LRIF1: variants seen among roughly 807,000 people sequenced by gnomAD.
LRIF1 encodes the protein ligand dependent nuclear receptor interacting factor 1.
In LRIF1, 32 loss-of-function variants were observed where a neutral mutation model predicts 52.7. The observed-to-expected ratio is 0.61, with a 90% CI of 0.46 to 0.82. LRIF1 has a LOEUF of 0.82. Ranked by LOEUF, LRIF1 falls within the 40% of genes least tolerant of loss-of-function variation. The pLI is 0.00. For synonymous variants in LRIF1, 323 were observed against 317.4 expected (o/e 1.02, Z -0.19); for missense variants, 887 against 892.0 (o/e 0.99, Z 0.07).
intron 2 of LRIF1, 144 bp from the exon 3 acceptor site, chr1:110,950,267 A>G: frequency 1.0e-6 from 1 of 954,772 alleles, no homozygotes; most frequent in South Asian, 1.9e-5. Flanking sequence ...CTTACCACCC[A>G]CACTCAAAAA....
At position 110,951,345 on chromosome 1, in the gene LRIF1, A is replaced by T; in HGVS notation, c.1539T>A (p.Ser513=). The part of the protein sequence containing the change: ...VLQSIEKISS[S]VDATTVTSQQ... Reference sequence around the variant, plus strand: ...GTGAAGTAACAGTTGTTGCATCAACAGAGGAACTTATTTTCTCTATGCTCT... The same window carrying T: ...GTGAAGTAACAGTTGTTGCATCAACTGAGGAACTTATTTTCTCTATGCTCT... Residue 513 remains serine, a synonymous_variant, in exon 2 of 4, where the codon TCT becomes TCA. Coordinates refer to ENST00000369763, the MANE Select transcript of LRIF1 (RefSeq NM_018372.4). 1 of 1,614,146 alleles carries T rather than the reference A, an allele frequency of 6.2e-7. No homozygotes were observed.
chr1:110,946,989 C>T (rs138851675), downstream of LRIF1, among the ~76,000 whole-genome samples: 531 of 151,856 alleles, frequency 3.5e-3, 3 homozygotes, highest in African/African-American at 0.012. Context: ...TTCTCCTCCT[C>T]CTCCTTTAAG....
At chr1:110,936,481 T>G in the LRIF1 span, 1 of 152,164 alleles carries the variant, frequency 6.6e-6, no homozygotes, top group Non-Finnish European at 1.5e-5. Context: ...ATTAGCTTTG[T>G]TTTTGCTTCT....
the LRIF1 span, among the ~76,000 whole-genome samples, chr1:110,888,120 A>C: frequency 6.6e-6 from 1 of 152,236 alleles, no homozygotes. Flanking sequence ...ACAAGGAAAC[A>C]AATTCTCTCC....
chr1:110,932,386 C>A, the LRIF1 span, among the ~76,000 whole-genome samples: 5 of 152,084 alleles, frequency 3.3e-5, no homozygotes, highest in Admixed American at 1.3e-4. Context: ...GTTACTGTAA[C>A]CTTGTAGTAT....
At chr1:110,897,575 C>G in the LRIF1 span, 4 of 377,388 alleles carry the variant, frequency 1.1e-5, no homozygotes, top group Non-Finnish European at 1.9e-5. Context: ...GGGTAAGGAT[C>G]TAGGACTTCT....
downstream of LRIF1, among the ~76,000 whole-genome samples, chr1:110,943,055 G>A (rs1282690592): frequency 6.6e-6 from 1 of 152,022 alleles, no homozygotes; most frequent in Non-Finnish European, 1.5e-5. Context: ...CAGTCAACGA[G>A]GTATGAGGAA....
chr1:110,943,470 G>A (rs570592041), downstream of LRIF1: 1 of 152,116 alleles, frequency 6.6e-6, no homozygotes, highest in East Asian at 1.9e-4. Context: ...AGTCAAAAAA[G>A]GTAGATGCAA....
chr1:110,891,346 A>G, the LRIF1 span: 5 of 1,285,376 alleles, frequency 3.9e-6, no homozygotes. Flanking sequence ...ATCTCTGGCT[A>G]CCTTACAGAG....
At chr1:110,962,098 AG>A (rs1258753935) in intron 1 of LRIF1, among the ~76,000 whole-genome samples, 61 of 152,026 alleles carry the variant, frequency 4.0e-4, no homozygotes, top group South Asian at 1.2e-3. Flanking sequence ...ACACACACAA[AG>A]TAAAGTTGTT....
chr1:110,892,105 A>G, the LRIF1 span, among the ~76,000 whole-genome samples: 2 of 152,216 alleles, frequency 1.3e-5, no homozygotes, highest in Admixed American at 1.3e-4. Context: ...GGCTCACAGA[A>G]GTGATCTTTC....
the LRIF1 span, among the ~76,000 whole-genome samples, chr1:110,891,237 A>G: frequency 6.6e-6 from 1 of 152,272 alleles, no homozygotes; most frequent in Admixed American, 6.5e-5. Context: ...ATTTCAGTTT[A>G]GAACTAGGAA....
At chr1:110,919,318 G>A in the LRIF1 span, among the ~76,000 whole-genome samples, 11 of 152,086 alleles carry the variant, frequency 7.2e-5, no homozygotes, top group Non-Finnish European at 1.5e-4. Flanking sequence ...AGCTGCCAGC[G>A]AATATAAAGC....
At chr1:110,914,764 T>A in the LRIF1 span, among the ~76,000 whole-genome samples, 1 of 152,042 alleles carries the variant, frequency 6.6e-6, no homozygotes, top group East Asian at 1.9e-4. Context: ...AAAAAAATAC[T>A]GATCAGATTA....
At chr1:110,946,668 T>G (rs1213769649), downstream of LRIF1, among the ~76,000 whole-genome samples, 1 of 145,702 alleles carries the variant, frequency 6.9e-6, no homozygotes, top group Non-Finnish European at 1.5e-5. Context: ...TTTTTTTTTT[T>G]TTTTTTGAGA....
At chr1:110,914,183 C>CA in the LRIF1 span, among the ~76,000 whole-genome samples, 4 of 151,844 alleles carry the variant, frequency 2.6e-5, no homozygotes, top group East Asian at 7.7e-4. Context: ...AGGTGAGGAT[C>CA]AAAAAAATGC....
the LRIF1 span, among the ~76,000 whole-genome samples, chr1:110,889,643 G>A: frequency 6.6e-6 from 1 of 152,104 alleles, no homozygotes; most frequent in African/African-American, 2.4e-5. Context: ...CTGTATGCCA[G>A]TCTGTGTGAT....
intron 1 of LRIF1, among the ~76,000 whole-genome samples, chr1:110,954,991 C>T (rs967851107): frequency 1.4e-4 from 21 of 152,204 alleles, no homozygotes; most frequent in Admixed American, 4.6e-4. Context: ...TAAATTATCA[C>T]TTACGCATGA....
At chr1:110,950,355 T>C (rs1186561290) in intron 2 of LRIF1, among the ~76,000 whole-genome samples, 1 of 152,176 alleles carries the variant, frequency 6.6e-6, no homozygotes, top group Non-Finnish European at 1.5e-5. Context: ...AGAAAGGTAA[T>C]AAGTAGTCAA....
Sources: allele counts gnomAD v4.1 joint callset (sites outside exome capture counted in the v4.1 genomes callset), GRCh38; gene constraint gnomAD v4.1.1; transcripts MANE v1.5; gene names NCBI Gene and HGNC (gene_info 2026-07-23, HGNC 2026-07-21).